PTPRA: variants seen among roughly 807,000 people sequenced by gnomAD.
PTPRA encodes protein tyrosine phosphatase receptor type A, also known as receptor-type tyrosine-protein phosphatase alpha.
In PTPRA, 25 loss-of-function variants were observed where a neutral mutation model predicts 104.8. The ratio of observed to expected loss-of-function variants is 0.24; its 90% confidence interval spans 0.17 to 0.33. The LOEUF is 0.33. PTPRA is among the 10% of genes least tolerant of loss of function. The probability of loss-of-function intolerance (pLI) is 1.00; values close to 1 mark genes in which losing one functional copy is unlikely to be tolerated. For missense variants in PTPRA, 765 were observed against 1,015.3 expected, an observed-to-expected ratio of 0.75 and a Z score of 3.35; for synonymous variants, 323 against 368.9, an observed-to-expected ratio of 0.88 and a Z score of 1.43.
rs1212227974 is a variant in PTPRA at position 3,037,856 on chromosome 20, G to A, written c.2335-203G>A. Among the ~76,000 whole-genome samples the A allele has an allele frequency of 6.6e-6, 1 of 152,192 alleles. No individual in the cohort carries two copies. Among genetic ancestry groups the A allele is most frequent in the African/African-American group, 2.4e-5 (1 of 41,446 alleles). On this transcript the variant is annotated intron_variant, in intron 23 of 23. Coordinates refer to ENST00000399903, the MANE Select transcript of PTPRA (RefSeq NM_001385305.1). The surrounding 1 kb of genome is among the most constrained non-coding windows in gnomAD (Gnocchi z 4.3). Reference sequence around the variant, plus strand: ...GCCTGGGTCAGCTCTGGTCAGCTCTGCTTGTAGAAGGTCTGCTGCATTCAG... The same window carrying A: ...GCCTGGGTCAGCTCTGGTCAGCTCTACTTGTAGAAGGTCTGCTGCATTCAG...
At chr20:2,953,470 G>A (rs956130301) in intron 3 of PTPRA, among the ~76,000 whole-genome samples, 12 of 151,894 alleles carry the variant, frequency 7.9e-5, no homozygotes, top group African/African-American at 2.4e-4. Context: ...AATCAGGATG[G>A]TCTCGATCTC....
At chr20:2,880,431 T>A (rs773979599) in intron 1 of PTPRA, among the ~76,000 whole-genome samples, 2 of 152,218 alleles carry the variant, frequency 1.3e-5, no homozygotes, top group Non-Finnish European at 2.9e-5. Context: ...TTTATACATT[T>A]GTTCTCCATG....
At chr20:2,967,618 T>C (rs942772924) in intron 5 of PTPRA, among the ~76,000 whole-genome samples, 4 of 152,208 alleles carry the variant, frequency 2.6e-5, no homozygotes, top group Non-Finnish European at 4.4e-5. Flanking sequence ...CCCAGCACTT[T>C]GGGAGGCCAA....
chr20:2,984,113 A>T (rs1456000652), intron 6 of PTPRA, among the ~76,000 whole-genome samples: 1 of 152,002 alleles, frequency 6.6e-6, no homozygotes, highest in Non-Finnish European at 1.5e-5. Context: ...CAGTCTGAAC[A>T]CTCATTTTAA....
In PTPRA at chr20:2,950,495, T is replaced by A. The variant is rs80033345; in HGVS notation, c.-7+2471T>A. On this transcript the variant is annotated intron_variant, in intron 3 of 23. Coordinates refer to ENST00000399903, the MANE Select transcript of PTPRA (RefSeq NM_001385305.1). This position sits in a 1 kb window ranked among gnomAD's most constrained non-coding sequence, Gnocchi z 4.0. Reference sequence around the variant, plus strand: ...CTACTAAAAATACAAAAAAAAAAATTAGCCGGGCGTGGTGGCAGGCACCTG... The same window carrying A: ...CTACTAAAAATACAAAAAAAAAAATAAGCCGGGCGTGGTGGCAGGCACCTG... Among the ~76,000 whole-genome samples, 26 of 151,676 alleles carry A rather than the reference T, an allele frequency of 1.7e-4. No homozygotes were observed. The East Asian group carries it at 5.1e-3, about 29-fold the overall frequency.
At chr20:2,888,025 A>T (rs1309543527) in intron 1 of PTPRA, among the ~76,000 whole-genome samples, 1 of 152,164 alleles carries the variant, frequency 6.6e-6, no homozygotes, top group Non-Finnish European at 1.5e-5. Flanking sequence ...CTCTCTCCCC[A>T]GTTTGGGGTG....
chr20:2,894,814 G>A (rs559268583), intron 1 of PTPRA, among the ~76,000 whole-genome samples: 55 of 151,658 alleles, frequency 3.6e-4, no homozygotes, highest in African/African-American at 1.2e-3. Flanking sequence ...GTGAAACCCC[G>A]TCTCTACTAA....
At chr20:2,996,500 A>G (rs1215900311) in intron 9 of PTPRA, among the ~76,000 whole-genome samples, 1 of 152,230 alleles carries the variant, frequency 6.6e-6, no homozygotes, top group Non-Finnish European at 1.5e-5. Context: ...TAGATGCCAG[A>G]ATGGAAAAGT....
At chr20:3,030,388 G>A (rs1253116544) in intron 20 of PTPRA, among the ~76,000 whole-genome samples, 1 of 152,186 alleles carries the variant, frequency 6.6e-6, no homozygotes, top group Non-Finnish European at 1.5e-5. Context: ...GCCCTCAAAA[G>A]CTTCTGAGTG....
At chr20:2,935,214 C>T (rs2060647552) in intron 2 of PTPRA, among the ~76,000 whole-genome samples, 1 of 152,158 alleles carries the variant, frequency 6.6e-6, no homozygotes, top group African/African-American at 2.4e-5. Flanking sequence ...CAACTTTTTA[C>T]ATTCCACGTG....
chr20:2,876,744 A>G (rs947288728), intron 1 of PTPRA, among the ~76,000 whole-genome samples: 4 of 152,254 alleles, frequency 2.6e-5, no homozygotes, highest in Non-Finnish European at 5.9e-5. Flanking sequence ...ATTTGCAGAC[A>G]TGGAGCCAAA....
At chr20:2,928,120 T>TTGG (rs933842468) in intron 2 of PTPRA, among the ~76,000 whole-genome samples, 7 of 149,004 alleles carry the variant, frequency 4.7e-5, no homozygotes, top group Admixed American at 1.3e-4. Flanking sequence ...TATCCGTTTT[T>TTGG]TGTTGTTGTT....
At chr20:2,922,122 C>T (rs1222421117) in intron 1 of PTPRA, among the ~76,000 whole-genome samples, 2 of 152,126 alleles carry the variant, frequency 1.3e-5, no homozygotes, top group South Asian at 2.1e-4. Flanking sequence ...ATATAAACAA[C>T]CCTATGGTGG....
chr20:2,927,552 G>A (rs6051478), intron 2 of PTPRA, among the ~76,000 whole-genome samples: 4 of 152,114 alleles, frequency 2.6e-5, no homozygotes, highest in African/African-American at 9.7e-5. Context: ...CCCAAATTTA[G>A]GCTAGTCGTA....
intron 10 of PTPRA, 65 bp downstream of exon 10, chr20:3,005,211 G>A (rs2063807933): frequency 2.7e-6 from 4 of 1,467,902 alleles, no homozygotes; most frequent in Middle Eastern, 1.7e-4. Flanking sequence ...ATTTTCTGAA[G>A]ATGGAAAGAA....
At chr20:2,879,146 G>T (rs1023313574) in intron 1 of PTPRA, among the ~76,000 whole-genome samples, 1 of 152,186 alleles carries the variant, frequency 6.6e-6, no homozygotes, top group Non-Finnish European at 1.5e-5. Flanking sequence ...GATGAAAGGG[G>T]AAGAATAGGG....
intron 9 of PTPRA, among the ~76,000 whole-genome samples, chr20:2,988,887 C>T (rs1403097889): frequency 6.6e-6 from 1 of 152,170 alleles, no homozygotes; most frequent in East Asian, 1.9e-4. Flanking sequence ...AGCAGTACAG[C>T]ACATGAAGGA....
intron 1 of PTPRA, among the ~76,000 whole-genome samples, chr20:2,899,450 T>G (rs1359579801): frequency 6.6e-6 from 1 of 150,906 alleles, no homozygotes; most frequent in Non-Finnish European, 1.5e-5. Flanking sequence ...ATGGGTGAGT[T>G]TTTTTTTTGT....
chr20:2,874,709 A>T (rs1302232763), intron 1 of PTPRA, among the ~76,000 whole-genome samples: 2 of 152,204 alleles, frequency 1.3e-5, no homozygotes, highest in Non-Finnish European at 2.9e-5. Flanking sequence ...AACAGATCTG[A>T]TGCTGTCACT....
Sources: gnomAD v4.1 joint callset for allele counts (sites outside exome capture counted in the v4.1 genomes callset) on GRCh38, gnomAD v4.1.1 for gene constraint, Gnocchi (gnomAD v3.1) non-coding constraint, MANE v1.5 for transcripts, NCBI Gene and HGNC (gene_info 2026-07-23, HGNC 2026-07-21) for gene names.